SHC4: variants seen among roughly 807,000 people sequenced by gnomAD.
SHC4 encodes SHC-transforming protein 4.
A neutral mutation model predicts 69.4 loss-of-function variants in SHC4; 41 were observed. The ratio of observed to expected loss-of-function variants is 0.59; its 90% CI spans 0.46 to 0.77. SHC4 has a LOEUF of 0.77. Among genes scored for constraint, SHC4 ranks in the 30% least tolerant of loss-of-function variants. The pLI, the probability that SHC4 is intolerant of heterozygous loss-of-function variation, is 0.00. For synonymous variants in SHC4, 318 were observed against 299.3 expected (o/e 1.06, Z -0.64); for missense variants, 777 against 783.8 (o/e 0.99, Z 0.10).
intron 11 of SHC4, among the ~76,000 whole-genome samples, chr15:48,828,232 C>A (rs1486642960): frequency 6.6e-6 from 1 of 151,940 alleles, no homozygotes; most frequent in Non-Finnish European, 1.5e-5. Context: ...CGTTATACAG[C>A]AGATCTCTGG....
At chr15:48,922,767 C>T (rs928454563) in intron 2 of SHC4, among the ~76,000 whole-genome samples, 3 of 152,168 alleles carry the variant, frequency 2.0e-5, no homozygotes, top group Non-Finnish European at 4.4e-5. Context: ...TCATCTGTAG[C>T]CTGCTCAGGA....
chr15:48,848,647 G>C (rs751733638), intron 9 of SHC4, among the ~76,000 whole-genome samples: 3 of 152,066 alleles, frequency 2.0e-5, no homozygotes, highest in Non-Finnish European at 4.4e-5. Flanking sequence ...TAGTGGCTTA[G>C]GGAAATATAT....
intron 1 of SHC4, among the ~76,000 whole-genome samples, chr15:48,927,485 T>C (rs1164289149): frequency 6.6e-6 from 1 of 152,186 alleles, no homozygotes; most frequent in Admixed American, 6.5e-5. Flanking sequence ...AGCACCTACA[T>C]TTTTCACACT....
chr15:48,915,283 A>G (rs915524923), intron 2 of SHC4, among the ~76,000 whole-genome samples: 5 of 152,210 alleles, frequency 3.3e-5, no homozygotes, highest in African/African-American at 1.2e-4. Flanking sequence ...TGGCTTTCAT[A>G]CCCTCTCTGT....
chr15:48,888,456 C>T (rs1900076524), intron 3 of SHC4, among the ~76,000 whole-genome samples: 2 of 151,936 alleles, frequency 1.3e-5, no homozygotes, highest in Non-Finnish European at 2.9e-5. Context: ...TGCCAGGGGC[C>T]GGGGCGATAG....
intron 1 of SHC4, among the ~76,000 whole-genome samples, chr15:48,929,808 C>T (rs554940766): frequency 1.3e-3 from 199 of 152,334 alleles, no homozygotes; most frequent in Middle Eastern, 0.01. Context: ...GGGAAAGCAG[C>T]GGAGCTCAGC....
intron 1 of SHC4, among the ~76,000 whole-genome samples, chr15:48,949,365 C>T (rs1245642424): frequency 2.7e-5 from 4 of 145,776 alleles, no homozygotes; most frequent in Non-Finnish European, 6.0e-5. Context: ...AGTGAGACTC[C>T]GTCTCAAAAA....
At chr15:48,837,735 G>A (rs992569218) in intron 10 of SHC4, among the ~76,000 whole-genome samples, 1 of 152,080 alleles carries the variant, frequency 6.6e-6, no homozygotes, top group East Asian at 1.9e-4. Context: ...GTTCCTATTG[G>A]CACTTAAAGA....
In SHC4 at chr15:48,857,897, C is replaced by T. The variant is rs147140262; in HGVS notation, c.947-82G>A. 440 of 1,130,564 alleles carry T rather than the reference C, an allele frequency of 3.9e-4. 1 individual carries two copies. In the African/African-American group the frequency reaches 6.4e-3, roughly 16 times the overall value. 70.0% of individuals were successfully genotyped at this position (1,130,564 alleles called of 1,614,324 possible). The stretch of plus-strand genomic sequence containing the variant: ...ACATAAAATCAGAGTACTTCAAAAC[C>T]ATGAACTGATAATTGAATAAAAGGG... On this transcript the variant is annotated intron_variant, in intron 6 of 11. Coordinates refer to ENST00000332408, the MANE Select transcript of SHC4 (RefSeq NM_203349.4).
chr15:48,857,546 T>C (rs1899348507), intron 7 of SHC4, 146 bp downstream of exon 7: 1 of 612,680 alleles, frequency 1.6e-6, no homozygotes, highest in Non-Finnish European at 2.4e-6. Flanking sequence ...TGAGACTGTG[T>C]CTATTTGCAA....
chr15:48,834,444 C>T lies in SHC4; in HGVS notation c.1737+325G>A, dbSNP rs183994336. Among the ~76,000 whole-genome samples the T allele has an allele frequency of 2.6e-3, 401 of 152,286 alleles. 3 individuals carry two copies. The highest frequency in any genetic ancestry group is 0.011 in the South Asian group (52 of 4,822). ...CACTTGTTTTATTAAATTATCAGCA[C>T]TCTGAGAGCAAGGACTATGTATGTG... On this transcript the variant is annotated intron_variant, in intron 11 of 11. Coordinates refer to ENST00000332408, the MANE Select transcript of SHC4 (RefSeq NM_203349.4).
At chr15:48,912,717 G>T (rs991608304) in intron 2 of SHC4, among the ~76,000 whole-genome samples, 2 of 152,176 alleles carry the variant, frequency 1.3e-5, no homozygotes, top group Admixed American at 1.3e-4. Flanking sequence ...TATTTGGGTA[G>T]GCTCCGTCAG....
intron 2 of SHC4, among the ~76,000 whole-genome samples, chr15:48,904,724 CA>C (rs1029951847): frequency 6.6e-6 from 1 of 150,392 alleles, no homozygotes; most frequent in Non-Finnish European, 1.5e-5. Context: ...CACACACACA[CA>C]AAAAAATGTA....
rs192818586 is a variant in SHC4, at chr15:48,895,792, G to T, written c.657-4981C>A. 4.3e-4 allele frequency among the ~76,000 whole-genome samples: 66 copies of T among 152,324 alleles called. 1 individual carries two copies. The highest frequency in any genetic ancestry group is 1.6e-3 in the African/African-American group (65 of 41,572). On this transcript the variant is annotated intron_variant, in intron 2 of 11. Coordinates refer to ENST00000332408, the MANE Select transcript of SHC4 (RefSeq NM_203349.4). ...TGTGCTTATGAACTTGCTTTAAAAA[G>T]TAATAATTAGCCAGGCACAGTGGCT...
chr15:48,896,465 T>C (rs907253735), intron 2 of SHC4, among the ~76,000 whole-genome samples: 30 of 151,972 alleles, frequency 2.0e-4, no homozygotes, highest in African/African-American at 7.2e-4. Flanking sequence ...GAATTACAGG[T>C]GCCTGCCACC....
At position 48,856,094 on chromosome 15, in the gene SHC4, C is replaced by G; in HGVS notation, c.1101G>C (p.Glu367Asp). ...TGTAATATTCATGATCTTCTCTCTC[C>G]TCGGCATGGCTATCAATATGCACCT... ...SEEVHIDSHA[E>D]EREDHEYYNE... Residue 367 changes from glutamate (E) to aspartate (D), a missense_variant, in exon 8 of 12, where the codon GAG becomes GAC. Physicochemically the swap from Glu to Asp is conservative, Grantham distance 45. Transcript: ENST00000332408. 1 of 1,613,528 alleles carries G rather than the reference C, an allele frequency of 6.2e-7. No individual in the cohort carries two copies. The highest frequency in any genetic ancestry group is 8.5e-7 in the Non-Finnish European group (1 of 1,179,646).
chr15:48,894,777 T>C (rs900287293), intron 2 of SHC4, among the ~76,000 whole-genome samples: 1 of 152,052 alleles, frequency 6.6e-6, no homozygotes, highest in Non-Finnish European at 1.5e-5. Flanking sequence ...TATTTATATT[T>C]ATTTATTTAA....
chr15:48,878,028 T>A, intron 4 of SHC4: 1 of 993,610 alleles, frequency 1.0e-6, no homozygotes, highest in South Asian at 1.8e-5. Context: ...CCAACCACAG[T>A]GGCGCGCCAA....
At chr15:48,918,201 C>T (rs577891635) in intron 2 of SHC4, among the ~76,000 whole-genome samples, 8 of 152,312 alleles carry the variant, frequency 5.3e-5, no homozygotes, top group Admixed American at 1.3e-4. Flanking sequence ...CAAAAGATCC[C>T]GTCCACCACC....
Sources: gnomAD v4.1 joint callset for allele counts (sites outside exome capture counted in the v4.1 genomes callset) on GRCh38, gnomAD v4.1.1 for gene constraint, MANE v1.5 for transcripts, NCBI Gene and HGNC (gene_info 2026-07-23, HGNC 2026-07-21) for gene names.